The following ANKS1B variants were observed in gnomAD, a reference collection of about 807,000 sequenced individuals.
ANKS1B encodes ankyrin repeat and sterile alpha motif domain-containing protein 1B.
A neutral mutation model predicts 148.3 loss-of-function variants in ANKS1B; 36 were observed. That is an observed-to-expected ratio of 0.24 (90% CI 0.19 to 0.32). The LOEUF (loss-of-function observed/expected upper bound fraction) is 0.32. Among genes scored for constraint, ANKS1B ranks in the 10% least tolerant of loss-of-function variants. The pLI, the probability that ANKS1B is intolerant of heterozygous loss-of-function variation, is 1.00. For missense variants in ANKS1B, 1,157 were observed against 1,542.6 expected (o/e 0.75, Z 4.19); for synonymous variants, 542 against 560.8 (o/e 0.97, Z 0.47).
intron 17 of ANKS1B, among the ~76,000 whole-genome samples, chr12:98,879,860 T>G (rs537391219): frequency 1.3e-3 from 203 of 152,316 alleles, no homozygotes; most frequent in African/African-American, 4.5e-3. Context: ...TTAGAATAAT[T>G]TTTTCCAACC....
chr12:99,193,790 G>GTTT (rs2081042736), intron 14 of ANKS1B, among the ~76,000 whole-genome samples: 1 of 87,108 alleles, frequency 1.1e-5, no homozygotes, highest in East Asian at 4.1e-4. Flanking sequence ...TGTATTTCTA[G>GTTT]TTCTTTTTTT....
At chr12:99,364,102 A>G (rs2092637032) in intron 12 of ANKS1B, among the ~76,000 whole-genome samples, 1 of 152,146 alleles carries the variant, frequency 6.6e-6, no homozygotes, top group African/African-American at 2.4e-5. Flanking sequence ...AGAGAGTCCA[A>G]TCAGTACCAC....
chr12:99,370,481 C>A (rs2093067819), intron 12 of ANKS1B, among the ~76,000 whole-genome samples: 1 of 152,052 alleles, frequency 6.6e-6, no homozygotes, highest in Non-Finnish European at 1.5e-5. Flanking sequence ...GCCAGTGGAT[C>A]CAGATGAGTT....
chr12:98,823,456 C>G (rs1549101), intron 19 of ANKS1B, among the ~76,000 whole-genome samples: 6,574 of 152,238 alleles, frequency 0.043, 466 homozygotes, highest in African/African-American at 0.15. Context: ...TGATGTGACA[C>G]AGTAATAGGA....
intron 17 of ANKS1B, among the ~76,000 whole-genome samples, chr12:98,953,200 T>G (rs1000908194): frequency 1.3e-5 from 2 of 152,144 alleles, no homozygotes; most frequent in Non-Finnish European, 2.9e-5. Context: ...TTTGTATTTG[T>G]AGTAGAGATG....
chr12:99,247,140 T>C (rs2073964339), intron 12 of ANKS1B, among the ~76,000 whole-genome samples: 1 of 152,172 alleles, frequency 6.6e-6, no homozygotes, highest in Admixed American at 6.5e-5. Flanking sequence ...AATGACTTCA[T>C]TCACTTCTCC....
chr12:99,920,004 C>T (rs2094303675), intron 1 of ANKS1B, among the ~76,000 whole-genome samples: 1 of 152,080 alleles, frequency 6.6e-6, no homozygotes, highest in Non-Finnish European at 1.5e-5. Flanking sequence ...TTCCACTGGA[C>T]AGCACTAATG....
intron 15 of ANKS1B, among the ~76,000 whole-genome samples, chr12:99,112,193 G>A (rs2060426224): frequency 6.6e-6 from 1 of 152,044 alleles, no homozygotes; most frequent in African/African-American, 2.4e-5. Flanking sequence ...TTCAACTTGA[G>A]GCTTCTGGCA....
chr12:99,130,064 A>G (rs915552278), intron 15 of ANKS1B, among the ~76,000 whole-genome samples: 5 of 152,136 alleles, frequency 3.3e-5, no homozygotes, highest in Non-Finnish European at 5.9e-5. Context: ...GTACAGTTAT[A>G]TCAATTTTAG....
chr12:99,542,454 CACA>C (rs1222116915), intron 9 of ANKS1B, among the ~76,000 whole-genome samples: 1 of 151,954 alleles, frequency 6.6e-6, no homozygotes, highest in African/African-American at 2.4e-5. Context: ...GGTTAGAAGA[CACA>C]ATATTTTTTA....
intron 14 of ANKS1B, among the ~76,000 whole-genome samples, chr12:99,236,460 T>TA (rs2087951959): frequency 6.6e-6 from 1 of 151,990 alleles, no homozygotes; most frequent in Non-Finnish European, 1.5e-5. Flanking sequence ...AGAGACACAG[T>TA]AAAGGGGGAA....
chr12:99,415,203 C>A (rs113386019), intron 11 of ANKS1B, among the ~76,000 whole-genome samples: 2 of 152,092 alleles, frequency 1.3e-5, no homozygotes, highest in Non-Finnish European at 2.9e-5. Flanking sequence ...GCAAAAAATA[C>A]TTTTTGACTT....
At chr12:99,718,574 C>G (rs1325014615) in intron 8 of ANKS1B, among the ~76,000 whole-genome samples, 1 of 152,200 alleles carries the variant, frequency 6.6e-6, no homozygotes, top group Non-Finnish European at 1.5e-5. Flanking sequence ...ATAAACTCTC[C>G]TTACAATTCC....
At chr12:99,553,298 G>A (rs1358674638) in intron 9 of ANKS1B, among the ~76,000 whole-genome samples, 1 of 152,012 alleles carries the variant, frequency 6.6e-6, no homozygotes, top group African/African-American at 2.4e-5. Flanking sequence ...AACCCGGTTG[G>A]GGTTTGTTAA....
intron 12 of ANKS1B, among the ~76,000 whole-genome samples, chr12:99,312,541 G>C (rs1447209545): frequency 6.6e-6 from 1 of 152,088 alleles, no homozygotes; most frequent in Non-Finnish European, 1.5e-5. Context: ...TGACGACATA[G>C]ACCAAGTATA....
At chr12:99,649,284 C>A in intron 9 of ANKS1B, 1 of 1,611,098 alleles carries the variant, frequency 6.2e-7, no homozygotes, top group African/African-American at 1.3e-5. Context: ...TGTTCTCTCC[C>A]TAGGGATATG....
Position 99,812,146 on chromosome 12 carries a change from C to T in ANKS1B, c.372+9G>A. ...AATTACATCATGAGCAAACATTTGG[C>T]AAGTGCACCTGTTCATTGACCCTGG... On this transcript the variant is annotated intron_variant, in intron 3 of 26. Coordinates refer to ENST00000683438, the MANE Select transcript of ANKS1B (RefSeq NM_001352186.2). 6.2e-7 allele frequency: 1 copy of T among 1,601,800 alleles called. No homozygotes were observed. The highest frequency in any genetic ancestry group is 8.5e-7 in the Non-Finnish European group (1 of 1,173,146).
chr12:99,656,614 A>G (rs2098450870), intron 8 of ANKS1B, among the ~76,000 whole-genome samples: 1 of 152,122 alleles, frequency 6.6e-6, no homozygotes, highest in Non-Finnish European at 1.5e-5. Flanking sequence ...TCAAACCAAG[A>G]CCTCTAACAT....
chr12:99,040,202 G>C (rs955753888), intron 17 of ANKS1B, among the ~76,000 whole-genome samples: 1 of 151,902 alleles, frequency 6.6e-6, no homozygotes, highest in Admixed American at 6.6e-5. Context: ...TTCCATTTTT[G>C]GCATTTGGGA....
Sources: allele counts gnomAD v4.1 joint callset (sites outside exome capture counted in the v4.1 genomes callset), GRCh38; gene constraint gnomAD v4.1.1; transcripts MANE v1.5; gene names NCBI Gene and HGNC (gene_info 2026-07-23, HGNC 2026-07-21).